The following RFX4 variants were observed in gnomAD, a reference collection of about 807,000 sequenced individuals.
The protein encoded by RFX4 is transcription factor RFX4.
In RFX4, 10 loss-of-function variants were observed where a neutral mutation model predicts 95.0. The ratio of observed to expected loss-of-function variants is 0.11; its 90% CI spans 0.06 to 0.18. The LOEUF (loss-of-function observed/expected upper bound fraction) is 0.18. RFX4 is among the 10% of genes least tolerant of loss of function. The pLI is 1.00. For missense variants in RFX4, 640 were observed against 922.0 expected, an observed-to-expected ratio of 0.69 and a Z score of 3.96; for synonymous variants, 321 against 340.7, an observed-to-expected ratio of 0.94 and a Z score of 0.64.
chr12:106,682,139 C>T, intron 5 of RFX4, 85 bp downstream of exon 5: 2 of 1,394,972 alleles, frequency 1.4e-6, no homozygotes, highest in South Asian at 2.3e-5. Flanking sequence ...TTATCCTGAG[C>T]TCTGTCTGCA....
chr12:106,594,344 G>T (rs2039585061), intron 1 of RFX4, among the ~76,000 whole-genome samples: 1 of 152,184 alleles, frequency 6.6e-6, no homozygotes, highest in Non-Finnish European at 1.5e-5. Context: ...TTTGGTCTCC[G>T]TGAACTTTTA....
intron 3 of RFX4, among the ~76,000 whole-genome samples, chr12:106,643,770 T>C (rs2040684784): frequency 6.6e-6 from 1 of 152,228 alleles, no homozygotes; most frequent in South Asian, 2.1e-4. Context: ...TATTTTTGCT[T>C]TACTTTTATT....
intron 3 of RFX4, among the ~76,000 whole-genome samples, chr12:106,640,421 G>A (rs1317293178): frequency 6.6e-6 from 1 of 152,150 alleles, no homozygotes; most frequent in Admixed American, 6.5e-5. Context: ...TCCATCCAGA[G>A]GTGAGAGGAA....
intron 17 of RFX4, among the ~76,000 whole-genome samples, chr12:106,760,059 C>G (rs903819960): frequency 1.3e-4 from 20 of 152,180 alleles, no homozygotes; most frequent in African/African-American, 4.6e-4. Flanking sequence ...GCCTGTCTGT[C>G]TCCCTCACAG....
At chr12:106,722,305 G>A (rs572687896) in intron 13 of RFX4, among the ~76,000 whole-genome samples, 5 of 152,290 alleles carry the variant, frequency 3.3e-5, no homozygotes, top group African/African-American at 7.2e-5. Flanking sequence ...TCCACACAGC[G>A]AGCATCCTCT....
intron 9 of RFX4, among the ~76,000 whole-genome samples, chr12:106,710,604 G>A (rs756899456): frequency 6.6e-6 from 1 of 152,068 alleles, no homozygotes; most frequent in Non-Finnish European, 1.5e-5. Flanking sequence ...GAATGCCCCC[G>A]CACCCATTTT....
intron 1 of RFX4, among the ~76,000 whole-genome samples, chr12:106,607,577 TG>T (rs200818869): frequency 0.15 from 8,053 of 52,066 alleles, 302 homozygotes; most frequent in African/African-American, 0.31. Context: ...GGGGGTGGGG[TG>T]GGGGGGGCGT....
chr12:106,688,734 TA>T (rs1217271548), intron 6 of RFX4, among the ~76,000 whole-genome samples: 1 of 151,560 alleles, frequency 6.6e-6, no homozygotes, highest in African/African-American at 2.4e-5. Context: ...AACATAAAAA[TA>T]AAAAAATTAT....
chr12:106,707,268 A>C (rs1401282455), intron 8 of RFX4, among the ~76,000 whole-genome samples: 12 of 152,156 alleles, frequency 7.9e-5, no homozygotes. Context: ...TCCAAGGGGG[A>C]AATCACAAGT....
intron 2 of RFX4, among the ~76,000 whole-genome samples, chr12:106,625,079 A>G (rs1276875515): frequency 6.6e-6 from 1 of 152,150 alleles, no homozygotes; most frequent in African/African-American, 2.4e-5. Context: ...ATAAAATAGT[A>G]TGAGATTTTA....
intron 1 of RFX4, among the ~76,000 whole-genome samples, chr12:106,598,066 C>T (rs573725416): frequency 1.3e-5 from 2 of 152,144 alleles, no homozygotes; most frequent in East Asian, 1.9e-4. Flanking sequence ...TATTATTATC[C>T]GTATTATGCA....
At chr12:106,612,602 C>A (rs1262649150) in intron 2 of RFX4, among the ~76,000 whole-genome samples, 1 of 152,128 alleles carries the variant, frequency 6.6e-6, no homozygotes, top group East Asian at 1.9e-4. Flanking sequence ...CTTTGGGAGG[C>A]CGAGGGAGGT....
rs559102172 is a variant in RFX4, at chr12:106,627,364, G to A, written c.131-11968G>A. Reference sequence around the variant, plus strand: ...ACCAGCCTGGCCATGGTGAAAACCCGTCTCTACTAAAAATGAAAAACTTAG... The same window carrying A: ...ACCAGCCTGGCCATGGTGAAAACCCATCTCTACTAAAAATGAAAAACTTAG... On this transcript the variant is annotated intron_variant, in intron 2 of 17. Transcript: ENST00000392842. Among the ~76,000 whole-genome samples, 7 of 152,154 alleles carry A rather than the reference G, an allele frequency of 4.6e-5. No homozygotes were observed. In the South Asian group the frequency reaches 1.0e-3, roughly 23 times the overall value.
At chr12:106,741,109 C>T (rs1041489901) in intron 15 of RFX4, among the ~76,000 whole-genome samples, 1 of 152,038 alleles carries the variant, frequency 6.6e-6, no homozygotes, top group Non-Finnish European at 1.5e-5. Flanking sequence ...AGATTTTGAC[C>T]ATGGAACTAT....
At chr12:106,667,220 G>A (rs1296722779) in intron 4 of RFX4, among the ~76,000 whole-genome samples, 1 of 152,104 alleles carries the variant, frequency 6.6e-6, no homozygotes, top group Non-Finnish European at 1.5e-5. Context: ...GAAGGTTAGA[G>A]GGGACTGGTG....
At chr12:106,717,001 A>C (rs1361045577) in intron 11 of RFX4, among the ~76,000 whole-genome samples, 4 of 87,794 alleles carry the variant, frequency 4.6e-5, no homozygotes, top group Admixed American at 2.0e-4. Context: ...CACAGGAGAC[A>C]AAAAAAAAAA....
At chr12:106,708,419 G>A (rs568829829) in intron 8 of RFX4, among the ~76,000 whole-genome samples, 4 of 152,010 alleles carry the variant, frequency 2.6e-5, no homozygotes, top group East Asian at 1.9e-4. Flanking sequence ...AATTGGAGGC[G>A]TAAGGGTCTT....
intron 15 of RFX4, among the ~76,000 whole-genome samples, chr12:106,740,736 G>A (rs933315129): frequency 5.9e-5 from 9 of 152,148 alleles, no homozygotes; most frequent in African/African-American, 2.2e-4. Flanking sequence ...AATTTCAAAT[G>A]GTCAAAGTGC....
In RFX4 at chr12:106,751,862, G is replaced by A. The variant is rs1417460743; in HGVS notation, c.1935+1069G>A. ...GCCCTTTGTCAGATGAGAAGGTTGC[G>A]AAAATTTTCTCCCATTTTGTAGGTT... On this transcript the variant is annotated intron_variant, in intron 17 of 17. Coordinates refer to ENST00000392842, the MANE Select transcript of RFX4 (RefSeq NM_213594.3). Among the ~76,000 whole-genome samples, 6 of 151,060 alleles carry A rather than the reference G, an allele frequency of 4.0e-5. No individual in the cohort carries two copies. The East Asian group carries it at 5.9e-4, about 15-fold the overall frequency.
Sources: gnomAD v4.1 joint callset for allele counts (sites outside exome capture counted in the v4.1 genomes callset) on GRCh38, gnomAD v4.1.1 for gene constraint, MANE v1.5 for transcripts, NCBI Gene and HGNC (gene_info 2026-07-23, HGNC 2026-07-21) for gene names.